Variants in NOL4L observed in about 807,000 individuals in gnomAD.
NOL4L encodes the protein nucleolar protein 4-like.
In NOL4L, 7 loss-of-function variants were observed where a neutral mutation model predicts 64.5. That is an observed-to-expected ratio of 0.11 (90% CI 0.06 to 0.20). The LOEUF is 0.20. NOL4L is among the 10% of genes least tolerant of loss of function. NOL4L has a pLI of 1.00. For missense variants in NOL4L, 680 were observed against 967.1 expected (o/e 0.70, Z 3.94); for synonymous variants, 413 against 401.0 (o/e 1.03, Z -0.36).
At chr20:32,475,514 G>A (rs536507778) in intron 4 of NOL4L, among the ~76,000 whole-genome samples, 158 of 152,362 alleles carry the variant, frequency 1.0e-3, no homozygotes, top group Non-Finnish European at 1.9e-3. Flanking sequence ...GCTTCGGGCC[G>A]GCCCTTGGCC....
At chr20:32,488,875 CTTTCTTT>C (rs1655416677) in intron 4 of NOL4L, among the ~76,000 whole-genome samples, 12 of 85,862 alleles carry the variant, frequency 1.4e-4, no homozygotes, top group Non-Finnish European at 1.7e-4. Context: ...TTCTTTCTTT[CTTTCTTT>C]CTTTCTTTCT....
At chr20:32,485,430 T>C (rs894498865) in intron 4 of NOL4L, 2 of 224,596 alleles carry the variant, frequency 8.9e-6, no homozygotes, top group Non-Finnish European at 1.8e-5. Context: ...AATAAAATGA[T>C]GACAAGACAT....
At chr20:32,470,016 G>A (rs986277226) in intron 5 of NOL4L, among the ~76,000 whole-genome samples, 3 of 152,234 alleles carry the variant, frequency 2.0e-5, no homozygotes, top group Non-Finnish European at 4.4e-5. Flanking sequence ...TCTGAGAGGC[G>A]CACACACCAG....
chr20:32,455,863 C>A (rs2013448744), intron 6 of NOL4L, among the ~76,000 whole-genome samples: 1 of 152,202 alleles, frequency 6.6e-6, no homozygotes, highest in African/African-American at 2.4e-5. Flanking sequence ...CACCTACCAC[C>A]TCTACCAAGG....
At chr20:32,514,708 A>G (rs1291433625) in intron 3 of NOL4L, among the ~76,000 whole-genome samples, 2 of 152,042 alleles carry the variant, frequency 1.3e-5, no homozygotes, top group African/African-American at 4.8e-5. Flanking sequence ...AGCCCCATAC[A>G]TTGACCGGGT....
intron 4 of NOL4L, among the ~76,000 whole-genome samples, chr20:32,495,966 C>G (rs1412923954): frequency 2.6e-5 from 4 of 152,134 alleles, no homozygotes; most frequent in Non-Finnish European, 4.4e-5. Context: ...AGAGGCACAC[C>G]TAGAACCAGA....
rs974044383 is a variant in NOL4L, at chr20:32,584,729, C to T, written c.162G>A (p.Glu54=). The T allele has an allele frequency of 1.6e-5, 25 of 1,547,990 alleles. No individual in the cohort carries two copies. Among genetic ancestry groups the T allele is most frequent in the Non-Finnish European group, 2.1e-5 (24 of 1,145,860 alleles). Residue 54 remains glutamate, a synonymous_variant, in exon 1 of 11, where the codon GAG becomes GAA. Transcript: ENST00000621426. ...CAGTCCCGCCGCCGCCCTGCAGGAC[C>T]TCGGCGATCCGCTGGTATTTGCTGC... The part of the protein sequence containing the change: ...VTRSKYQRIA[E]VLQGGGGTGA...
intron 1 of NOL4L, among the ~76,000 whole-genome samples, chr20:32,533,953 G>T (rs2018428788): frequency 6.6e-6 from 1 of 152,200 alleles, no homozygotes; most frequent in South Asian, 2.1e-4. Flanking sequence ...CAATTAAATG[G>T]ACCCCTGCCC....
chr20:32,548,856 T>C (rs1452433886), intron 1 of NOL4L: 1 of 450,618 alleles, frequency 2.2e-6, no homozygotes, highest in Non-Finnish European at 4.4e-6. Context: ...AAGTAAATTA[T>C]GGTACATCCA....
At chr20:32,532,253 C>T (rs2018371208) in intron 1 of NOL4L, 35 of 557,748 alleles carry the variant, frequency 6.3e-5, no homozygotes, top group Non-Finnish European at 7.7e-5. Context: ...CAAAGATTTA[C>T]ATAGGAAAGG....
chr20:32,581,676 C>A (rs544217149), intron 1 of NOL4L, among the ~76,000 whole-genome samples: 1 of 152,306 alleles, frequency 6.6e-6, no homozygotes, highest in Non-Finnish European at 1.5e-5. Context: ...CTTCTTTATC[C>A]TGTCCTCAGC....
chr20:32,545,015 C>A (rs6087395), intron 1 of NOL4L, among the ~76,000 whole-genome samples: 20,382 of 152,162 alleles, frequency 0.13, 1,946 homozygotes, highest in African/African-American at 0.27. Flanking sequence ...CAGACCCACA[C>A]CACAGGTCCT....
chr20:32,488,897 T>TTTCTTTCTTTCTTTCTTTCTTTCTTTCCC (rs1568649712), intron 4 of NOL4L, among the ~76,000 whole-genome samples: 1 of 135,374 alleles, frequency 7.4e-6, no homozygotes, highest in African/African-American at 2.8e-5. Flanking sequence ...CTTTCTTTCC[T>TTTCTTTCTTTCTTTCTTTCTTTCTTTCCC]CTCTCTTTCT....
At chr20:32,450,809 G>T (rs1251725469) in intron 10 of NOL4L, among the ~76,000 whole-genome samples, 1 of 152,150 alleles carries the variant, frequency 6.6e-6, no homozygotes, top group Non-Finnish European at 1.5e-5. Flanking sequence ...TTCCTGGAAT[G>T]AAAGGAGCCC....
Position 32,498,766 on chromosome 20 carries a change from T to TA in NOL4L, c.699+12580dup, listed in dbSNP as rs34083852. ...CAACGGGAGTGAGACCCTGTCTCAA[T>TA]AAAAAAAAAAAAAAAAAAAAAGAAA... On this transcript the variant is annotated intron_variant, in intron 4 of 10. Transcript: ENST00000621426. 3.6e-3 allele frequency among the ~76,000 whole-genome samples: 360 copies of TA among 99,010 alleles called. 7 individuals carry two copies. The highest frequency in any genetic ancestry group is 0.011 in the South Asian group (29 of 2,672). The allele number at this position is 99,010 out of a possible 152,430, so 65.0% of individuals were successfully genotyped here.
At chr20:32,540,383 A>G (rs2145596655) in intron 1 of NOL4L, among the ~76,000 whole-genome samples, 1 of 152,322 alleles carries the variant, frequency 6.6e-6, no homozygotes. Context: ...AGACATGGAC[A>G]TAGCCTCACA....
intron 1 of NOL4L, among the ~76,000 whole-genome samples, chr20:32,529,130 A>G (rs1277361392): frequency 6.6e-6 from 1 of 152,172 alleles, no homozygotes; most frequent in Non-Finnish European, 1.5e-5. Context: ...TCACTTGGAC[A>G]CACTCTGCCA....
intron 2 of NOL4L, among the ~76,000 whole-genome samples, chr20:32,526,421 C>CA (rs1428203086): frequency 6.6e-6 from 1 of 150,962 alleles, no homozygotes; most frequent in Non-Finnish European, 1.5e-5. Flanking sequence ...CTCTGAGGCT[C>CA]TTGGCACATG....
intron 3 of NOL4L, among the ~76,000 whole-genome samples, chr20:32,518,335 C>T (rs532779111): frequency 1.3e-5 from 2 of 152,356 alleles, no homozygotes; most frequent in East Asian, 1.9e-4. Context: ...TGCTCCCTCG[C>T]TCCCTGGCCT....
Sources: gnomAD v4.1 joint callset for allele counts (sites outside exome capture counted in the v4.1 genomes callset) on GRCh38, gnomAD v4.1.1 for gene constraint, MANE v1.5 for transcripts, NCBI Gene and HGNC (gene_info 2026-07-23, HGNC 2026-07-21) for gene names.